NEGR1: variants seen among roughly 807,000 people sequenced by gnomAD.
NEGR1 encodes the protein neuronal growth regulator 1.
In NEGR1, 10 loss-of-function variants were observed where a neutral mutation model predicts 40.9. That is an observed-to-expected ratio of 0.24 (90% CI 0.15 to 0.42). The LOEUF (loss-of-function observed/expected upper bound fraction) is 0.42, where lower values mean the gene tolerates loss of function less well. Ranked by LOEUF, NEGR1 falls within the 10% of genes least tolerant of loss-of-function variation. NEGR1 has a pLI of 1.00. For missense variants in NEGR1, 352 were observed against 438.9 expected, an observed-to-expected ratio of 0.80 and a Z score of 1.77; for synonymous variants, 185 against 166.8, an observed-to-expected ratio of 1.11 and a Z score of -0.84.
chr1:71,553,307 A>C (rs971389534), intron 6 of NEGR1, among the ~76,000 whole-genome samples: 2 of 151,604 alleles, frequency 1.3e-5, no homozygotes, highest in African/African-American at 2.4e-5. Flanking sequence ...CAGAATGAAT[A>C]ATTAATTGCT....
intron 1 of NEGR1, among the ~76,000 whole-genome samples, chr1:72,072,093 T>C (rs1647487669): frequency 1.3e-5 from 2 of 152,300 alleles, no homozygotes; most frequent in Admixed American, 6.5e-5. Context: ...CTTCCACACA[T>C]GGCACATTCC....
intron 6 of NEGR1, among the ~76,000 whole-genome samples, chr1:71,573,178 G>T (rs1648859112): frequency 6.6e-6 from 1 of 152,124 alleles, no homozygotes; most frequent in Non-Finnish European, 1.5e-5. Flanking sequence ...ATCTAGGACT[G>T]GTTAGCTACA....
At chr1:72,279,563 G>T (rs1367972881) in intron 1 of NEGR1, among the ~76,000 whole-genome samples, 2 of 152,080 alleles carry the variant, frequency 1.3e-5, no homozygotes, top group South Asian at 4.1e-4. Flanking sequence ...TATTTTGATG[G>T]GACAAGGGCA....
chr1:71,464,495 A>AT lies in NEGR1; in HGVS notation c.941-56926dup, dbSNP rs1029207466. Among the ~76,000 whole-genome samples the AT allele has an allele frequency of 1.1e-4, 16 of 152,172 alleles. 1 individual carries two copies. ...GCTTTATCCACATGAATACCGTTCCATTTTGTTTTAATTTTGCCAAAAAAG... is the reference window on the plus strand; with the variant it reads ...GCTTTATCCACATGAATACCGTTCCATTTTTGTTTTAATTTTGCCAAAAAAG... On this transcript the variant is annotated intron_variant, in intron 6 of 6. Coordinates refer to ENST00000357731, the MANE Select transcript of NEGR1 (RefSeq NM_173808.3).
chr1:71,934,964 T>C lies in NEGR1; in HGVS notation c.409+115A>G, dbSNP rs1174356326. On this transcript the variant is annotated intron_variant, in intron 2 of 6. Transcript: ENST00000357731. ...ATGACAATATAATTCAACAAATATT[T>C]CAATGACAACAAATATTTCAACATT... 3 of 670,188 alleles carry C rather than the reference T, an allele frequency of 4.5e-6. No individual in the cohort carries two copies. In the East Asian group the frequency reaches 8.2e-5, roughly 18 times the overall value. 41.5% of individuals were successfully genotyped at this position (670,188 alleles called of 1,614,324 possible). A position where few individuals can be genotyped will look rare whatever the true frequency, so the allele number is the denominator to read the frequency against.
intron 6 of NEGR1, among the ~76,000 whole-genome samples, chr1:71,412,144 G>A (rs554431725): frequency 7.2e-5 from 11 of 152,086 alleles, no homozygotes; most frequent in Non-Finnish European, 1.5e-4. Context: ...TGGCATTCAG[G>A]GACCTCTGCC....
At chr1:71,540,664 A>C (rs1176047202) in intron 6 of NEGR1, among the ~76,000 whole-genome samples, 1 of 151,760 alleles carries the variant, frequency 6.6e-6, no homozygotes, top group African/African-American at 2.4e-5. Flanking sequence ...GGCAAATTCA[A>C]ATCGGCACTC....
At chr1:71,687,313 A>G (rs995689795) in intron 4 of NEGR1, among the ~76,000 whole-genome samples, 1 of 152,182 alleles carries the variant, frequency 6.6e-6, no homozygotes, top group Non-Finnish European at 1.5e-5. Flanking sequence ...TCTTATAAAC[A>G]TGGAACACAC....
At chr1:71,819,682 A>G (rs904778464) in intron 2 of NEGR1, among the ~76,000 whole-genome samples, 20 of 152,034 alleles carry the variant, frequency 1.3e-4, no homozygotes, top group Non-Finnish European at 2.6e-4. Flanking sequence ...AGATGCTATC[A>G]TATGCATATC....
Position 72,104,187 on chromosome 1 carries a change from C to T in NEGR1, c.177-168876G>A, listed in dbSNP as rs556718763. Among the ~76,000 whole-genome samples, 25 of 152,122 alleles carry T rather than the reference C, an allele frequency of 1.6e-4. No individual in the cohort carries two copies. The South Asian group carries it at 2.9e-3, about 18-fold the overall frequency. The stretch of plus-strand genomic sequence containing the variant: ...AAGCCCCTCCCAAAGATGTCTATGT[C>T]CTAATCCCTAGAACTTTCCAATTGT... On this transcript the variant is annotated intron_variant, in intron 1 of 6. Coordinates refer to ENST00000357731, the MANE Select transcript of NEGR1 (RefSeq NM_173808.3).
intron 3 of NEGR1, among the ~76,000 whole-genome samples, chr1:71,771,206 A>C (rs2101711754): frequency 6.6e-6 from 1 of 152,238 alleles, no homozygotes; most frequent in East Asian, 1.9e-4. Flanking sequence ...AAGAACAGAA[A>C]ACCAAACACC....
intron 6 of NEGR1, among the ~76,000 whole-genome samples, chr1:71,578,589 C>T (rs958906002): frequency 2.0e-5 from 3 of 151,994 alleles, no homozygotes; most frequent in South Asian, 4.1e-4. Context: ...GACTATTTAA[C>T]GGTATTACTT....
intron 3 of NEGR1, among the ~76,000 whole-genome samples, chr1:71,748,554 A>G (rs989390285): frequency 6.6e-6 from 1 of 152,198 alleles, no homozygotes; most frequent in African/African-American, 2.4e-5. Context: ...TGTATCCTGA[A>G]GAAAACATAT....
At chr1:71,664,564 G>A (rs1316538368) in intron 4 of NEGR1, among the ~76,000 whole-genome samples, 2 of 151,964 alleles carry the variant, frequency 1.3e-5, no homozygotes, top group Non-Finnish European at 2.9e-5. Context: ...GAGAAGGGAG[G>A]GAGATGAGTG....
At chr1:72,015,168 A>C (rs1380775632) in intron 1 of NEGR1, among the ~76,000 whole-genome samples, 1 of 152,140 alleles carries the variant, frequency 6.6e-6, no homozygotes, top group Non-Finnish European at 1.5e-5. Flanking sequence ...TTAATATGTT[A>C]AGAAAAAGTG....
At chr1:72,255,355 A>G (rs1655231918) in intron 1 of NEGR1, among the ~76,000 whole-genome samples, 1 of 152,176 alleles carries the variant, frequency 6.6e-6, no homozygotes, top group Non-Finnish European at 1.5e-5. Context: ...GCCAAGCAAC[A>G]CTAAATGATA....
At chr1:71,624,597 A>G (rs1336161464) in intron 4 of NEGR1, among the ~76,000 whole-genome samples, 1 of 151,910 alleles carries the variant, frequency 6.6e-6, no homozygotes, top group Non-Finnish European at 1.5e-5. Flanking sequence ...ATATTGGACT[A>G]TTTCAAATTG....
chr1:71,435,920 A>G (rs1025010515), intron 6 of NEGR1, among the ~76,000 whole-genome samples: 1 of 152,158 alleles, frequency 6.6e-6, no homozygotes, highest in Admixed American at 6.5e-5. Flanking sequence ...TTCCTCCTCA[A>G]TACATTTCTA....
intron 6 of NEGR1, among the ~76,000 whole-genome samples, chr1:71,408,141 G>T (rs1646290750): frequency 6.6e-6 from 1 of 151,988 alleles, no homozygotes; most frequent in Non-Finnish European, 1.5e-5. Flanking sequence ...GGGTAAGGGA[G>T]ATTTCAAATA....
Sources: gnomAD v4.1 joint callset for allele counts (sites outside exome capture counted in the v4.1 genomes callset) on GRCh38, gnomAD v4.1.1 for gene constraint, MANE v1.5 for transcripts, NCBI Gene and HGNC (gene_info 2026-07-23, HGNC 2026-07-21) for gene names.